Variants in NEK11 observed in about 807,000 individuals in gnomAD.
The protein encoded by NEK11 is serine/threonine-protein kinase Nek11.
In NEK11, 72 loss-of-function variants were observed where a neutral mutation model predicts 80.7. That is an observed-to-expected ratio of 0.89 (90% confidence interval 0.74 to 1.08). NEK11 has a LOEUF of 1.08. Ranked by LOEUF, NEK11 falls within the 50% of genes least tolerant of loss-of-function variation. The pLI, the probability that NEK11 is intolerant of heterozygous loss-of-function variation, is 0.00. For missense variants in NEK11, 764 were observed against 763.6 expected, an observed-to-expected ratio of 1.00 and a Z score of -0.01; for synonymous variants, 251 against 260.7, an observed-to-expected ratio of 0.96 and a Z score of 0.36.
At chr3:131,342,879 T>G (rs1158570254) in intron 17 of NEK11, among the ~76,000 whole-genome samples, 1 of 152,090 alleles carries the variant, frequency 6.6e-6, no homozygotes, top group Admixed American at 6.5e-5. Context: ...TTATACACAA[T>G]AGGAATTTTA....
intron 3 of NEK11, among the ~76,000 whole-genome samples, chr3:131,066,678 A>C (rs996506757): frequency 9.9e-5 from 15 of 152,006 alleles, no homozygotes; most frequent in African/African-American, 3.6e-4. Flanking sequence ...TACTAAAAAA[A>C]AATAAATACA....
intron 14 of NEK11, among the ~76,000 whole-genome samples, chr3:131,216,837 G>A (rs574390709): frequency 5.3e-5 from 8 of 152,270 alleles, no homozygotes; most frequent in Admixed American, 2.6e-4. Context: ...TAAATGTTAC[G>A]GTGATTGAAA....
At chr3:131,227,355 A>G (rs1178786381) in intron 14 of NEK11, among the ~76,000 whole-genome samples, 1 of 152,152 alleles carries the variant, frequency 6.6e-6, no homozygotes, top group Non-Finnish European at 1.5e-5. Flanking sequence ...TTGAGTGAAC[A>G]TTTGTATGAA....
chr3:131,161,117 C>T (rs2091499840), intron 10 of NEK11, among the ~76,000 whole-genome samples: 1 of 145,176 alleles, frequency 6.9e-6, no homozygotes, highest in Admixed American at 7.2e-5. Context: ...TGCCACCGCA[C>T]TGCAGCCTGG....
At chr3:131,047,977 G>T (rs535554830) in intron 3 of NEK11, among the ~76,000 whole-genome samples, 1 of 152,210 alleles carries the variant, frequency 6.6e-6, no homozygotes, top group South Asian at 2.1e-4. Context: ...ATGTGGGTGT[G>T]GTTCTCAGGC....
intron 17 of NEK11, among the ~76,000 whole-genome samples, chr3:131,318,594 C>A (rs2096866877): frequency 6.6e-6 from 1 of 151,648 alleles, no homozygotes; most frequent in Non-Finnish European, 1.5e-5. Flanking sequence ...ACTGTCCTGG[C>A]ATTAAAAAGA....
chr3:131,212,114 G>A, intron 14 of NEK11, among the ~76,000 whole-genome samples: 1 of 152,144 alleles, frequency 6.6e-6, no homozygotes, highest in Non-Finnish European at 1.5e-5. Flanking sequence ...ATCTACCTTT[G>A]ATCTTTGATG....
chr3:131,253,243 C>T (rs1549600), intron 16 of NEK11, among the ~76,000 whole-genome samples: 117,047 of 151,988 alleles, frequency 0.77, 45,166 homozygotes, highest in South Asian at 0.81. Context: ...AGGTGCTTTT[C>T]TCATACATGG....
At chr3:131,072,525 C>T (rs1473876365) in intron 3 of NEK11, among the ~76,000 whole-genome samples, 3 of 152,028 alleles carry the variant, frequency 2.0e-5, no homozygotes, top group Non-Finnish European at 4.4e-5. Flanking sequence ...CCACAATATT[C>T]GATGACTCTG....
At chr3:131,128,115 T>C (rs1485921878) in intron 5 of NEK11, among the ~76,000 whole-genome samples, 1 of 152,198 alleles carries the variant, frequency 6.6e-6, no homozygotes, top group Non-Finnish European at 1.5e-5. Flanking sequence ...GTTATCAGCA[T>C]TGCTACCAGT....
At chr3:131,334,769 C>A (rs2097153685) in intron 17 of NEK11, among the ~76,000 whole-genome samples, 2 of 152,024 alleles carry the variant, frequency 1.3e-5, no homozygotes, top group African/African-American at 2.4e-5. Context: ...AGACACAATA[C>A]AAAATGATAA....
intron 3 of NEK11, among the ~76,000 whole-genome samples, chr3:131,056,540 G>T (rs976056695): frequency 6.6e-6 from 1 of 152,182 alleles, no homozygotes; most frequent in African/African-American, 2.4e-5. Context: ...CTGATGTTCA[G>T]TGACTAGTGT....
intron 3 of NEK11, among the ~76,000 whole-genome samples, chr3:131,035,275 G>T (rs779932107): frequency 3.3e-5 from 5 of 152,180 alleles, no homozygotes; most frequent in Non-Finnish European, 7.3e-5. Context: ...AAGATAGGGG[G>T]CCAAGAGTTG....
At chr3:131,183,779 A>G (rs764751869) in intron 14 of NEK11, among the ~76,000 whole-genome samples, 3 of 152,224 alleles carry the variant, frequency 2.0e-5, no homozygotes, top group Non-Finnish European at 4.4e-5. Context: ...AGAATGATTT[A>G]TATTCCTTTG....
At chr3:131,332,897 C>T (rs766728890) in intron 17 of NEK11, among the ~76,000 whole-genome samples, 8 of 151,760 alleles carry the variant, frequency 5.3e-5, no homozygotes, top group Admixed American at 1.3e-4. Context: ...TGAAACGAAG[C>T]GAGAAGGGAA....
chr3:131,047,204 T>C (rs1405060344), intron 3 of NEK11, among the ~76,000 whole-genome samples: 5 of 152,212 alleles, frequency 3.3e-5, no homozygotes. Flanking sequence ...TTTGATTTCA[T>C]TAAGTTAGAC....
At chr3:131,212,563 G>A (rs559686697) in intron 14 of NEK11, among the ~76,000 whole-genome samples, 26 of 152,254 alleles carry the variant, frequency 1.7e-4, no homozygotes, top group Non-Finnish European at 2.4e-4. Flanking sequence ...TGCATCACTC[G>A]CGCTGGGAGC....
chr3:131,257,659 C>G (rs961603), intron 16 of NEK11, among the ~76,000 whole-genome samples: 1 of 152,082 alleles, frequency 6.6e-6, no homozygotes, highest in African/African-American at 2.4e-5. Flanking sequence ...ATAGTGAGAG[C>G]TACATGCTTC....
rs147592142 is a variant in NEK11, at chr3:131,110,117, T to C, written c.455+196T>C. 2.6e-5 allele frequency among the ~76,000 whole-genome samples: 4 copies of C among 152,310 alleles called. No homozygotes were observed. In the East Asian group the frequency reaches 7.7e-4, roughly 29 times the overall value. On this transcript the variant is annotated intron_variant, in intron 5 of 17. Transcript: ENST00000383366. ...CTAGAGGATTTACTTGCATAGCTTT[T>C]TGTTGCTGTTCTGAAACTCAAGTTG...
Sources: allele counts gnomAD v4.1 joint callset (sites outside exome capture counted in the v4.1 genomes callset), GRCh38; gene constraint gnomAD v4.1.1; transcripts MANE v1.5; gene names NCBI Gene and HGNC (gene_info 2026-07-23, HGNC 2026-07-21).